ANK3: variants seen among roughly 807,000 people sequenced by gnomAD.
ANK3 encodes the protein ankyrin 3, also known as ankyrin-3.
A neutral mutation model predicts 370.9 loss-of-function variants in ANK3; 57 were observed. The observed-to-expected ratio is 0.15, with a 90% CI of 0.12 to 0.19. The LOEUF is 0.19. ANK3 is among the 10% of genes least tolerant of loss of function. ANK3 has a pLI of 1.00. For missense variants in ANK3, 4,439 were observed against 5,302.1 expected, an observed-to-expected ratio of 0.84 and a Z score of 5.06; for synonymous variants, 1,929 against 1,946.3, an observed-to-expected ratio of 0.99 and a Z score of 0.23.
chr10:60,627,876 G>A (rs1243682996), intron 1 of ANK3, among the ~76,000 whole-genome samples: 3 of 151,902 alleles, frequency 2.0e-5, no homozygotes, highest in Non-Finnish European at 1.5e-5. Context: ...TTCATTATAC[G>A]AATAAGGAAA....
intron 8 of ANK3, among the ~76,000 whole-genome samples, chr10:60,225,518 C>T (rs16914633): frequency 0.1 from 15,822 of 152,114 alleles, 1,190 homozygotes; most frequent in East Asian, 0.28. Flanking sequence ...GATTGCCTCC[C>T]TTGGAAGGAC....
intron 2 of ANK3, among the ~76,000 whole-genome samples, chr10:60,564,952 T>C (rs776345747): frequency 6.6e-6 from 1 of 152,204 alleles, no homozygotes; most frequent in Non-Finnish European, 1.5e-5. Flanking sequence ...ATCCTAAACA[T>C]ATAAACATTT....
intron 1 of ANK3, among the ~76,000 whole-genome samples, chr10:60,665,305 A>G (rs1053484137): frequency 6.6e-6 from 1 of 152,258 alleles, no homozygotes; most frequent in Non-Finnish European, 1.5e-5. Context: ...AGAACAAGAG[A>G]CCAAAAACAT....
rs940216283 is a variant in ANK3, at chr10:60,219,097, T to C, written c.898-5587A>G. Among the ~76,000 whole-genome samples, 6 of 152,050 alleles carry C rather than the reference T, an allele frequency of 3.9e-5. No homozygotes were observed. The South Asian group carries it at 6.2e-4, about 16-fold the overall frequency. ...GCTATTGATACTTGTATATGCTTCA[T>C]GAAGTTCTCACGCTGTGTTTTTCAG... On this transcript the variant is annotated intron_variant, in intron 8 of 43. Coordinates refer to ENST00000280772, the MANE Select transcript of ANK3 (RefSeq NM_020987.5).
chr10:60,720,252 G>T (rs1022944666), intron 1 of ANK3, among the ~76,000 whole-genome samples: 1 of 152,106 alleles, frequency 6.6e-6, no homozygotes, highest in Non-Finnish European at 1.5e-5. Context: ...AGCTATGTGC[G>T]AGACACTGTT....
chr10:60,278,924 T>A (rs1198953185), intron 3 of ANK3, 52 bp from the exon 4 acceptor site: 6 of 1,593,996 alleles, frequency 3.8e-6, no homozygotes, highest in African/African-American at 1.3e-5. Context: ...TGAATTTTCC[T>A]GTTCTCCCCA....
At chr10:60,087,215 T>C (rs1372851506) in intron 29 of ANK3, among the ~76,000 whole-genome samples, 1 of 152,146 alleles carries the variant, frequency 6.6e-6, no homozygotes, top group Non-Finnish European at 1.5e-5. Context: ...CTGAGTCCAA[T>C]ATATTTTAAA....
intron 2 of ANK3, among the ~76,000 whole-genome samples, chr10:60,424,813 C>T (rs2063847300): frequency 6.6e-6 from 1 of 151,862 alleles, no homozygotes; most frequent in African/African-American, 2.4e-5. Context: ...TGCCTGAGTG[C>T]CAAGTATGAG....
At chr10:60,197,616 G>A (rs1343415042) in intron 14 of ANK3, among the ~76,000 whole-genome samples, 3 of 152,292 alleles carry the variant, frequency 2.0e-5, no homozygotes, top group South Asian at 4.1e-4. Flanking sequence ...CATTTATCCC[G>A]ATAGTTTTCT....
chr10:60,390,729 A>AAC (rs572520321), upstream of ANK3, among the ~76,000 whole-genome samples: 4,164 of 107,016 alleles, frequency 0.039, 141 homozygotes, highest in African/African-American at 0.11. Context: ...TAAAAAAAAG[A>AAC]ACACACACAC....
At chr10:60,154,840 C>T (rs571218688) in intron 23 of ANK3, among the ~76,000 whole-genome samples, 59 of 150,988 alleles carry the variant, frequency 3.9e-4, no homozygotes, top group Admixed American at 3.6e-3. Context: ...TCTTTCCTAA[C>T]GAGAATACAC....
chr10:60,479,184 C>T (rs1018428159), intron 2 of ANK3, among the ~76,000 whole-genome samples: 3 of 151,986 alleles, frequency 2.0e-5, no homozygotes, highest in Non-Finnish European at 4.4e-5. Context: ...TAATAAAAAG[C>T]GTACTGTCAT....
At chr10:60,584,286 G>C (rs146269157) in intron 2 of ANK3, among the ~76,000 whole-genome samples, 1 of 152,106 alleles carries the variant, frequency 6.6e-6, no homozygotes, top group Non-Finnish European at 1.5e-5. Flanking sequence ...TCAAAACTAC[G>C]TCATCAAAAT....
chr10:60,215,100 C>T (rs572525335), intron 8 of ANK3, among the ~76,000 whole-genome samples: 9 of 152,254 alleles, frequency 5.9e-5, no homozygotes, highest in Admixed American at 1.3e-4. Flanking sequence ...ATTTGCATTT[C>T]TCTGATGATC....
intron 2 of ANK3, among the ~76,000 whole-genome samples, chr10:60,443,396 GT>G (rs1595045452): frequency 6.6e-6 from 1 of 151,954 alleles, no homozygotes; most frequent in South Asian, 2.1e-4. Context: ...GCTTCACTTT[GT>G]TTTTTCTGGA....
intron 23 of ANK3, 55 bp downstream of exon 23, chr10:60,166,531 AGAAAT>A (rs1349917804): frequency 1.2e-5 from 15 of 1,254,796 alleles, no homozygotes; most frequent in South Asian, 3.8e-5. Context: ...TTCAAAGATA[AGAAAT>A]GAAAGATAAA....
At chr10:60,217,030 T>G (rs1342626414) in intron 8 of ANK3, among the ~76,000 whole-genome samples, 1 of 152,210 alleles carries the variant, frequency 6.6e-6, no homozygotes, top group Non-Finnish European at 1.5e-5. Flanking sequence ...CCATTTTTTC[T>G]AGATTTTCCA....
At chr10:60,463,530 C>T (rs2064940168) in intron 2 of ANK3, among the ~76,000 whole-genome samples, 1 of 152,024 alleles carries the variant, frequency 6.6e-6, no homozygotes, top group Non-Finnish European at 1.5e-5. Context: ...CTTGCATTTC[C>T]CTATCTTTTC....
At chr10:60,213,380 G>A (rs773892146) in intron 9 of ANK3, 32 bp downstream of exon 9, 10 of 1,454,496 alleles carry the variant, frequency 6.9e-6, no homozygotes. Flanking sequence ...AATAAATACA[G>A]TCCAATGTCC....
Sources: allele counts gnomAD v4.1 joint callset (sites outside exome capture counted in the v4.1 genomes callset), GRCh38; gene constraint gnomAD v4.1.1; transcripts MANE v1.5; gene names NCBI Gene and HGNC (gene_info 2026-07-23, HGNC 2026-07-21).